The following EXD3 variants were observed in gnomAD, a reference collection of about 807,000 sequenced individuals.
The protein encoded by EXD3 is exonuclease 3'-5' domain containing 3.
A neutral mutation model predicts 98.0 loss-of-function variants in EXD3; 92 were observed. The ratio of observed to expected loss-of-function variants is 0.94; its 90% CI spans 0.79 to 1.12. The LOEUF is 1.12. Among genes scored for constraint, EXD3 ranks in the 50% most tolerant of loss-of-function variants. EXD3 has a pLI of 0.00. For missense variants in EXD3, 1,222 were observed against 1,191.6 expected, an observed-to-expected ratio of 1.03 and a Z score of -0.38; for synonymous variants, 569 against 526.0, an observed-to-expected ratio of 1.08 and a Z score of -1.12.
intron 17 of EXD3, among the ~76,000 whole-genome samples, chr9:137,338,095 G>C (rs1833456168): frequency 6.6e-6 from 1 of 152,120 alleles, no homozygotes; most frequent in Admixed American, 6.6e-5. Context: ...CCAATACCAT[G>C]TATCCTTTTA....
At chr9:137,328,601 ACTACACGGG>A (rs149131431) in intron 17 of EXD3, among the ~76,000 whole-genome samples, 2,636 of 22,612 alleles carry the variant, frequency 0.12, 144 homozygotes, top group African/African-American at 0.2. Flanking sequence ...ACTACACGGG[ACTACACGGG>A]GCTACACGGG....
rs368804874 is a variant in EXD3 at position 137,354,705 on chromosome 9, C to A, written c.826G>T (p.Val276Leu). 4.2e-5 allele frequency: 67 copies of A among 1,610,930 alleles called. No homozygotes were observed. In the East Asian group the frequency reaches 1.5e-3, roughly 36 times the overall value. ...ALRHLCHKRF[V>L]EKSLSQENWT... ...ACCCCCTCCTGCTCACGAACCTCCACAAACCGCTTGTGGCACAGGTGCCGC... is the reference window on the plus strand; with the variant it reads ...ACCCCCTCCTGCTCACGAACCTCCAAAAACCGCTTGTGGCACAGGTGCCGC... Residue 276 changes from valine to leucine, a missense_variant, in exon 9 of 22, where the codon GTG becomes TTG. Val to Leu is a conservative substitution (Grantham distance 32, BLOSUM62 1). Transcript: ENST00000340951.
At chr9:137,345,400 G>A (rs965390801) in intron 17 of EXD3, among the ~76,000 whole-genome samples, 9 of 152,158 alleles carry the variant, frequency 5.9e-5, no homozygotes, top group Admixed American at 6.5e-5. Flanking sequence ...GGTGGCTCAC[G>A]CCTGTAATCT....
At chr9:137,387,091 C>T (rs1048631822) in intron 2 of EXD3, among the ~76,000 whole-genome samples, 1 of 151,608 alleles carries the variant, frequency 6.6e-6, no homozygotes, top group Non-Finnish European at 1.5e-5. Flanking sequence ...TTGCTTCCTG[C>T]CTGGCCCCCG....
chr9:137,389,755 C>T (rs1240593426), intron 2 of EXD3, among the ~76,000 whole-genome samples: 3 of 152,238 alleles, frequency 2.0e-5, no homozygotes, highest in East Asian at 1.9e-4. Context: ...ATTCTGCAAC[C>T]GCAGGTCAGA....
intron 19 of EXD3, among the ~76,000 whole-genome samples, chr9:137,317,900 C>T (rs1831778258): frequency 6.6e-6 from 1 of 152,298 alleles, no homozygotes; most frequent in Middle Eastern, 3.4e-3. Context: ...GGAGGAGGTC[C>T]TTCTGTACCC....
At chr9:137,328,440 A>G in intron 17 of EXD3, among the ~76,000 whole-genome samples, 1 of 151,958 alleles carries the variant, frequency 6.6e-6, no homozygotes, top group African/African-American at 2.4e-5. Flanking sequence ...CACTCATATG[A>G]TGAGTAAAAA....
intron 17 of EXD3, among the ~76,000 whole-genome samples, chr9:137,336,348 G>A (rs112030780): frequency 1.7e-4 from 26 of 152,204 alleles, no homozygotes; most frequent in East Asian, 1.9e-4. Flanking sequence ...TTTAGATATC[G>A]TTAACTCAAA....
intron 14 of EXD3, 32 bp downstream of exon 14, chr9:137,351,006 G>C (rs1329596839): frequency 1.3e-6 from 2 of 1,537,912 alleles, no homozygotes; most frequent in African/African-American, 1.4e-5. Flanking sequence ...AGGCCCACCC[G>C]GCATCTTGTG....
At chr9:137,353,922 A>G in intron 10 of EXD3, 3 of 1,013,112 alleles carry the variant, frequency 3.0e-6, no homozygotes, top group East Asian at 9.3e-5. Flanking sequence ...AGCCGCCCGC[A>G]TTCTTCAGGA....
chr9:137,334,500 G>A (rs922346488), intron 17 of EXD3, among the ~76,000 whole-genome samples: 6 of 152,060 alleles, frequency 3.9e-5, no homozygotes, highest in African/African-American at 4.8e-5. Context: ...ACCCTATCTA[G>A]TAAGTGGTGC....
At chr9:137,353,603 G>A (rs1488834372) in intron 10 of EXD3, 4 of 985,856 alleles carry the variant, frequency 4.1e-6, no homozygotes, top group African/African-American at 1.7e-5. Context: ...CCACCCCGCA[G>A]CCACCGTGGC....
chr9:137,414,753 G>A (rs1838158412), intron 1 of EXD3, among the ~76,000 whole-genome samples: 1 of 152,192 alleles, frequency 6.6e-6, no homozygotes, highest in South Asian at 2.1e-4. Flanking sequence ...TGGAGAAGGA[G>A]GCCAGCAGGT....
chr9:137,349,086 C>G lies in EXD3; in HGVS notation c.1830+24G>C, dbSNP rs552804422. The G allele has an allele frequency of 6.6e-5, 103 of 1,564,176 alleles. No homozygotes were observed. The highest frequency in any genetic ancestry group is 8.3e-5 in the Non-Finnish European group (96 of 1,161,108). ...CTCCTTCCCCAAGAATGCTGACAAACGGACCCTGCGGGGCTTCACCCACCT... is the reference window on the plus strand; with the variant it reads ...CTCCTTCCCCAAGAATGCTGACAAAGGGACCCTGCGGGGCTTCACCCACCT... On this transcript the variant is annotated intron_variant, in intron 16 of 21. Transcript: ENST00000340951. This position sits in a 1 kb window ranked among gnomAD's most constrained non-coding sequence, Gnocchi z 7.4.
chr9:137,320,190 C>A (rs1269504089), intron 19 of EXD3, among the ~76,000 whole-genome samples: 1 of 152,250 alleles, frequency 6.6e-6, no homozygotes, highest in African/African-American at 2.4e-5. Context: ...GCCGGGCAGT[C>A]CGTGGGGCCA....
chr9:137,308,440 C>A (rs1831169980), intron 20 of EXD3, among the ~76,000 whole-genome samples: 1 of 152,058 alleles, frequency 6.6e-6, no homozygotes, highest in African/African-American at 2.4e-5. Flanking sequence ...ACTCGTCAGC[C>A]CATCTGGGTG....
chr9:137,352,304 C>T, intron 11 of EXD3, 103 bp from the exon 12 acceptor site: 1 of 1,501,586 alleles, frequency 6.7e-7, no homozygotes, highest in South Asian at 1.2e-5. Flanking sequence ...GTGGGGGCAT[C>T]TCAGGTCCTG....
chr9:137,384,285 G>A (rs892922080), intron 2 of EXD3, among the ~76,000 whole-genome samples: 23 of 152,358 alleles, frequency 1.5e-4, no homozygotes, highest in African/African-American at 4.1e-4. Flanking sequence ...CCAGAGAAGC[G>A]TGTGTGACGG....
chr9:137,313,184 G>C lies in EXD3; in HGVS notation c.2185-3484C>G, dbSNP rs1044947781. Among the ~76,000 whole-genome samples, 35 of 152,160 alleles carry C rather than the reference G, an allele frequency of 2.3e-4. 1 individual carries two copies. Among genetic ancestry groups the C allele is most frequent in the Non-Finnish European group, 3.5e-4 (24 of 68,002 alleles). ...GGGCGAGACACGAGCCCTGGGACCT[G>C]CCAGGGCCACAGCATGTGGGGAACC... On this transcript the variant is annotated intron_variant, in intron 19 of 21. Coordinates refer to ENST00000340951, the MANE Select transcript of EXD3 (RefSeq NM_017820.5).
Sources: gnomAD v4.1 joint callset for allele counts (sites outside exome capture counted in the v4.1 genomes callset) on GRCh38, gnomAD v4.1.1 for gene constraint, Gnocchi (gnomAD v3.1) non-coding constraint, MANE v1.5 for transcripts, NCBI Gene and HGNC (gene_info 2026-07-23, HGNC 2026-07-21) for gene names.